Variants in SNX24 observed in about 807,000 individuals in gnomAD.
SNX24 encodes sorting nexin 24, also known as sorting nexin-24.
A neutral mutation model predicts 28.7 loss-of-function variants in SNX24; 22 were observed. That is an observed-to-expected ratio of 0.77 (90% confidence interval 0.55 to 1.10). SNX24 has a LOEUF of 1.10. Ranked by LOEUF, SNX24 falls within the 50% of genes least tolerant of loss-of-function variation. SNX24 has a pLI of 0.00. For synonymous variants in SNX24, 69 were observed against 71.5 expected (o/e 0.96, Z 0.18); for missense variants, 221 against 201.1 (o/e 1.10, Z -0.60).
intron 3 of SNX24, among the ~76,000 whole-genome samples, chr5:122,960,161 C>T (rs531240098): frequency 6.6e-6 from 1 of 152,118 alleles, no homozygotes; most frequent in African/African-American, 2.4e-5. Flanking sequence ...ATTGTTGAGT[C>T]AGTAGCTGTT....
chr5:123,016,094 C>G (rs567717362), intron 5 of SNX24, among the ~76,000 whole-genome samples: 1 of 152,134 alleles, frequency 6.6e-6, no homozygotes, highest in East Asian at 1.9e-4. Context: ...CCAAATTCGA[C>G]CTTGGTAAAC....
intron 3 of SNX24, among the ~76,000 whole-genome samples, chr5:122,993,379 A>G (rs944165430): frequency 3.3e-5 from 5 of 150,456 alleles, no homozygotes; most frequent in African/African-American, 1.2e-4. Context: ...GCTCACTGCA[A>G]GCTCTGCCTC....
At chr5:122,999,493 A>G (rs547347369) in intron 3 of SNX24, among the ~76,000 whole-genome samples, 3 of 152,278 alleles carry the variant, frequency 2.0e-5, no homozygotes, top group South Asian at 2.1e-4. Flanking sequence ...TACATAATGT[A>G]TATCAGACCA....
At chr5:122,924,322 T>C (rs1379173527) in intron 1 of SNX24, among the ~76,000 whole-genome samples, 1 of 152,216 alleles carries the variant, frequency 6.6e-6, no homozygotes, top group Non-Finnish European at 1.5e-5. Context: ...TTAAGTCAAA[T>C]AAGAATTCCT....
At chr5:122,859,151 A>G (rs951107903) in intron 1 of SNX24, among the ~76,000 whole-genome samples, 3 of 152,204 alleles carry the variant, frequency 2.0e-5, no homozygotes, top group Non-Finnish European at 2.9e-5. Context: ...AAATGAATGA[A>G]TGAGACCTGC....
intron 1 of SNX24, among the ~76,000 whole-genome samples, chr5:122,906,023 C>G (rs1420222803): frequency 1.3e-5 from 2 of 152,146 alleles, no homozygotes; most frequent in Non-Finnish European, 2.9e-5. Context: ...TCAACAAATA[C>G]AAATAAAACA....
intron 1 of SNX24, among the ~76,000 whole-genome samples, chr5:122,890,572 C>T (rs141794057): frequency 4.0e-5 from 6 of 150,158 alleles, no homozygotes; most frequent in South Asian, 2.1e-4. Context: ...TAGGTTCAAG[C>T]GATTCTTCCA....
At chr5:122,991,427 T>A (rs1761845518) in intron 3 of SNX24, among the ~76,000 whole-genome samples, 1 of 152,198 alleles carries the variant, frequency 6.6e-6, no homozygotes, top group Admixed American at 6.5e-5. Context: ...TGAAATGTTA[T>A]GAGTCCAGAT....
At chr5:122,924,175 A>G (rs1758569350) in intron 1 of SNX24, among the ~76,000 whole-genome samples, 1 of 152,200 alleles carries the variant, frequency 6.6e-6, no homozygotes, top group Admixed American at 6.5e-5. Context: ...TTTTTCCTAT[A>G]TACAGACACC....
chr5:122,963,181 C>T (rs1270867014), intron 3 of SNX24, among the ~76,000 whole-genome samples: 4 of 152,184 alleles, frequency 2.6e-5, no homozygotes, highest in Non-Finnish European at 5.9e-5. Flanking sequence ...TTGCAATGAG[C>T]CGAGATTGTG....
At chr5:122,887,920 C>T (rs1347094070) in intron 1 of SNX24, among the ~76,000 whole-genome samples, 1 of 152,086 alleles carries the variant, frequency 6.6e-6, no homozygotes. Context: ...TCAGGCTGGT[C>T]CGAATTCCTG....
intron 1 of SNX24, among the ~76,000 whole-genome samples, chr5:122,890,596 A>G (rs1165783148): frequency 1.2e-4 from 18 of 151,420 alleles, no homozygotes; most frequent in African/African-American, 4.1e-4. Flanking sequence ...TTGACTCCCA[A>G]GTAGCTGGAA....
intron 3 of SNX24, among the ~76,000 whole-genome samples, chr5:122,977,850 A>G (rs368729625): frequency 4.6e-5 from 7 of 152,340 alleles, no homozygotes; most frequent in South Asian, 2.1e-4. Context: ...GATGATAGGA[A>G]TATCACAAGG....
chr5:122,864,289 G>C (rs1245076625), intron 1 of SNX24, among the ~76,000 whole-genome samples: 1 of 152,144 alleles, frequency 6.6e-6, no homozygotes, highest in African/African-American at 2.4e-5. Flanking sequence ...TGAGGCCATA[G>C]GATCCACTGA....
At chr5:122,855,825 T>G (rs533116367) in intron 1 of SNX24, among the ~76,000 whole-genome samples, 10 of 152,200 alleles carry the variant, frequency 6.6e-5, no homozygotes, top group Non-Finnish European at 1.5e-4. Context: ...GAGTCCATTG[T>G]AGGGTTATTA....
chr5:123,028,830 G>C, intron 5 of SNX24: 2 of 1,613,594 alleles, frequency 1.2e-6, no homozygotes, highest in Non-Finnish European at 1.7e-6. Flanking sequence ...AATCCTTGAT[G>C]ACACGATGAA....
chr5:122,914,460 C>A (rs1193817723), intron 1 of SNX24, among the ~76,000 whole-genome samples: 1 of 151,512 alleles, frequency 6.6e-6, no homozygotes, highest in Admixed American at 6.6e-5. Flanking sequence ...GGAATAGTTT[C>A]AGAAGGAATG....
intron 3 of SNX24, among the ~76,000 whole-genome samples, chr5:122,959,120 A>G (rs1463643733): frequency 6.6e-6 from 1 of 152,020 alleles, no homozygotes; most frequent in Non-Finnish European, 1.5e-5. Flanking sequence ...TCAGGTCCAG[A>G]GCTTTTCTGT....
chr5:123,020,863 C>T (rs1762751795), intron 5 of SNX24, among the ~76,000 whole-genome samples: 2 of 152,174 alleles, frequency 1.3e-5, no homozygotes, highest in Non-Finnish European at 2.9e-5. Context: ...GATGGCAGCT[C>T]TTTCCCAATC....
Sources: allele counts gnomAD v4.1 joint callset (sites outside exome capture counted in the v4.1 genomes callset), GRCh38; gene constraint gnomAD v4.1.1; transcripts MANE v1.5; gene names NCBI Gene and HGNC (gene_info 2026-07-23, HGNC 2026-07-21).